Variants in PTPRZ1 observed in about 807,000 individuals in gnomAD.
PTPRZ1 encodes receptor-type tyrosine-protein phosphatase zeta.
PTPRZ1 carries 82 observed loss-of-function variants against 214.1 expected under a neutral mutation model. That is an observed-to-expected ratio of 0.38 (90% CI 0.32 to 0.46). PTPRZ1 has a LOEUF of 0.46. Among genes scored for constraint, PTPRZ1 ranks in the 20% least tolerant of loss-of-function variants. The pLI is 1.00. For missense variants in PTPRZ1, 2,603 were observed against 2,748.7 expected (o/e 0.95, Z 1.19); for synonymous variants, 945 against 987.9 (o/e 0.96, Z 0.81).
At position 122,012,042 on chromosome 7, in the gene PTPRZ1, C is replaced by G; in HGVS notation, c.2996C>G (p.Ala999Gly). ...ALSGDGEWSG[A>G]SSDSEFLLPD... ...TCTGGTGATGGGGAATGGTCTGGAG[C>G]CTCTTCTGATAGTGAATTTCTTTTA... is the stretch of plus-strand genomic sequence containing the variant. Residue 999 changes from alanine (A) to glycine (G), a missense_variant, in exon 12 of 30, where the codon GCC (alanine) becomes GGC (glycine). Coordinates refer to ENST00000393386, the MANE Select transcript of PTPRZ1 (RefSeq NM_002851.3). The G allele has an allele frequency of 6.2e-7, 1 of 1,614,220 alleles. No homozygotes were observed. Among genetic ancestry groups the G allele is most frequent in the Non-Finnish European group, 8.5e-7 (1 of 1,180,030 alleles).
In PTPRZ1 at chr7:122,038,740, C is replaced by T. The variant is rs766785459; in HGVS notation, c.5368-15C>T. 7 of 1,610,840 alleles carry T rather than the reference C, an allele frequency of 4.3e-6. No individual in the cohort carries two copies. The highest frequency in any genetic ancestry group is 5.9e-6 in the Non-Finnish European group (7 of 1,177,986). On this transcript the variant is annotated splice_polypyrimidine_tract_variant and intron_variant, in intron 18 of 29. Coordinates refer to ENST00000393386, the MANE Select transcript of PTPRZ1 (RefSeq NM_002851.3). ...AAATCAGTTAGTAGGAAACATTTGT[C>T]ATTTAATTCTTCAGGGCTACAACAG...
chr7:121,915,015 T>C (rs1005472680), intron 1 of PTPRZ1, among the ~76,000 whole-genome samples: 2 of 152,124 alleles, frequency 1.3e-5, no homozygotes, highest in Non-Finnish European at 2.9e-5. Flanking sequence ...ATCAATTCTT[T>C]TTGGATGTGT....
chr7:121,946,972 G>A lies in PTPRZ1; in HGVS notation c.124+18751G>A, dbSNP rs919532662. 2.6e-5 allele frequency among the ~76,000 whole-genome samples: 4 copies of A among 152,044 alleles called. 1 individual carries two copies. Among genetic ancestry groups the A allele is most frequent in the Admixed American group, 2.6e-4 (4 of 15,244 alleles). The stretch of plus-strand genomic sequence containing the variant: ...GAACTGTGTCAGATTGAACGAGAGA[G>A]GACAAGTAAAGGCAACATGTGTTAC... On this transcript the variant is annotated intron_variant, in intron 2 of 29. Transcript: ENST00000393386.
intron 1 of PTPRZ1, among the ~76,000 whole-genome samples, chr7:121,901,503 A>T (rs921692293): frequency 1.3e-5 from 2 of 152,194 alleles, no homozygotes; most frequent in African/African-American, 4.8e-5. Context: ...CACTGTTAGT[A>T]TATTCTAAAA....
rs758696565 is a variant in PTPRZ1, at chr7:121,990,512, C to CTT, written c.929-5844_929-5843dup. ...TCCTGAAAGAGTTAGTGAAAACTGT[C>CTT]TTTTTTTTTTTTTTTTTTTTTTTTT... On this transcript the variant is annotated intron_variant, in intron 8 of 29. Transcript: ENST00000393386. Among the ~76,000 whole-genome samples, 299 of 73,474 alleles carry CTT rather than the reference C, an allele frequency of 4.1e-3. 34 individuals are homozygous for CTT. Among genetic ancestry groups the CTT allele is most frequent in the South Asian group, 0.035 (58 of 1,648 alleles). 48.2% of individuals were successfully genotyped at this position (73,474 alleles called of 152,430 possible). A position where few individuals can be genotyped will look rare whatever the true frequency, so the allele number is the denominator to read the frequency against.
At chr7:121,970,488 A>G (rs6466811) in intron 3 of PTPRZ1, among the ~76,000 whole-genome samples, 144,560 of 151,276 alleles carry the variant, frequency 0.96, 69,269 homozygotes, top group Non-Finnish European at 1. Flanking sequence ...TTTAATGATC[A>G]CCATTCTAAC....
chr7:121,930,438 G>A (rs978137845), intron 2 of PTPRZ1, among the ~76,000 whole-genome samples: 9 of 152,010 alleles, frequency 5.9e-5, no homozygotes, highest in African/African-American at 2.2e-4. Context: ...CTATTTACTT[G>A]AGGAATTTCT....
Position 121,989,181 on chromosome 7 carries a change from A to G in PTPRZ1, c.928+5064A>G, listed in dbSNP as rs549819760. On this transcript the variant is annotated intron_variant, in intron 8 of 29. Coordinates refer to ENST00000393386, the MANE Select transcript of PTPRZ1 (RefSeq NM_002851.3). ...ATAACAGTCTGCATTTACTGAAATCATTATAAAGAAGTGAGCTACTTGCTT... is the reference window on the plus strand; with the variant it reads ...ATAACAGTCTGCATTTACTGAAATCGTTATAAAGAAGTGAGCTACTTGCTT... Among the ~76,000 whole-genome samples, 4 of 152,318 alleles carry G rather than the reference A, an allele frequency of 2.6e-5. No individual in the cohort carries two copies. The South Asian group carries it at 6.2e-4, about 24-fold the overall frequency.
chr7:121,969,274 A>C (rs1232763879), intron 3 of PTPRZ1, among the ~76,000 whole-genome samples: 1 of 151,574 alleles, frequency 6.6e-6, no homozygotes, highest in Non-Finnish European at 1.5e-5. Flanking sequence ...AACAAAAAAC[A>C]ACTCCTGCTG....
intron 21 of PTPRZ1, among the ~76,000 whole-genome samples, chr7:122,041,517 A>AAAT (rs1799733967): frequency 6.8e-6 from 1 of 148,018 alleles, no homozygotes; most frequent in Admixed American, 6.6e-5. Flanking sequence ...ATGTATTGTC[A>AAAT]ATTCATTGTT....
intron 1 of PTPRZ1, among the ~76,000 whole-genome samples, chr7:121,909,330 A>C (rs1333021167): frequency 6.6e-6 from 1 of 152,186 alleles, no homozygotes; most frequent in East Asian, 1.9e-4. Context: ...AAATGACCTG[A>C]GCACACAAGC....
At chr7:121,901,397 T>C (rs1370627847) in intron 1 of PTPRZ1, among the ~76,000 whole-genome samples, 2 of 152,210 alleles carry the variant, frequency 1.3e-5, no homozygotes, top group Non-Finnish European at 2.9e-5. Context: ...TTAAAATCTT[T>C]TCTGTATGTT....
chr7:122,036,977 G>A (rs1274040140), intron 18 of PTPRZ1, among the ~76,000 whole-genome samples: 2 of 152,090 alleles, frequency 1.3e-5, no homozygotes, highest in African/African-American at 4.8e-5. Flanking sequence ...TAACTCTTTA[G>A]ATGTGAAGGG....
chr7:121,958,883 G>A (rs1796789713), intron 2 of PTPRZ1, among the ~76,000 whole-genome samples: 1 of 152,084 alleles, frequency 6.6e-6, no homozygotes, highest in Non-Finnish European at 1.5e-5. Flanking sequence ...GAGTGCAGTG[G>A]CACAATCTCA....
chr7:122,040,289 T>A (rs1343514737), intron 20 of PTPRZ1, among the ~76,000 whole-genome samples: 1 of 152,154 alleles, frequency 6.6e-6, no homozygotes, highest in Non-Finnish European at 1.5e-5. Flanking sequence ...AATAGAGAGA[T>A]AGAGAGGTTT....
intron 28 of PTPRZ1, chr7:122,059,508 T>C: frequency 2.6e-6 from 1 of 377,474 alleles, no homozygotes; most frequent in Non-Finnish European, 4.7e-6. Flanking sequence ...TTTCATAGTA[T>C]ACAAATAATA....
chr7:121,922,420 G>A (rs1379761481), intron 1 of PTPRZ1, among the ~76,000 whole-genome samples: 1 of 152,096 alleles, frequency 6.6e-6, no homozygotes, highest in Admixed American at 6.5e-5. Flanking sequence ...AGCTGGGCAT[G>A]GTAGTGCATG....
intron 10 of PTPRZ1, among the ~76,000 whole-genome samples, chr7:122,001,853 T>C (rs543999939): frequency 5.9e-5 from 9 of 152,370 alleles, no homozygotes; most frequent in African/African-American, 1.9e-4. Flanking sequence ...CAAAAAATAC[T>C]GATAGTTCTT....
At chr7:121,932,756 T>A (rs1438863570) in intron 2 of PTPRZ1, among the ~76,000 whole-genome samples, 1 of 152,036 alleles carries the variant, frequency 6.6e-6, no homozygotes, top group South Asian at 2.1e-4. Flanking sequence ...ATGAAAAAAA[T>A]TACACAATTA....
Sources: allele counts gnomAD v4.1 joint callset (sites outside exome capture counted in the v4.1 genomes callset), GRCh38; gene constraint gnomAD v4.1.1; transcripts MANE v1.5; gene names NCBI Gene and HGNC (gene_info 2026-07-23, HGNC 2026-07-21).